NUP98: variants seen among roughly 807,000 people sequenced by gnomAD.
NUP98 encodes the protein nucleoporin 98 and 96 precursor.
A neutral mutation model predicts 191.9 loss-of-function variants in NUP98; 26 were observed. The ratio of observed to expected loss-of-function variants is 0.14; its 90% CI spans 0.10 to 0.19. The LOEUF (loss-of-function observed/expected upper bound fraction) is 0.19, where lower values mean the gene tolerates loss of function less well. NUP98 is among the 10% of genes least tolerant of loss of function. The probability of loss-of-function intolerance (pLI) is 1.00; values close to 1 mark genes in which losing one functional copy is unlikely to be tolerated. For missense variants in NUP98, 1,941 were observed against 2,178.8 expected (o/e 0.89, Z 2.17); for synonymous variants, 808 against 778.4 (o/e 1.04, Z -0.63).
intron 23 of NUP98, 93 bp downstream of exon 23, chr11:3,702,370 A>G: frequency 1.3e-6 from 1 of 782,070 alleles, no homozygotes; most frequent in Non-Finnish European, 2.1e-6. Flanking sequence ...CTCTCTCTCT[A>G]GAAAGATGAC....
intron 26 of NUP98, among the ~76,000 whole-genome samples, chr11:3,695,047 C>A (rs2078458638): frequency 6.6e-6 from 1 of 152,120 alleles, no homozygotes; most frequent in Admixed American, 6.5e-5. Context: ...CCTGTAGTCC[C>A]AGCTACTTGG....
chr11:3,726,391 A>C (rs1173617856), intron 14 of NUP98, among the ~76,000 whole-genome samples: 1 of 150,866 alleles, frequency 6.6e-6, no homozygotes, highest in Non-Finnish European at 1.5e-5. Context: ...GAGAACATCA[A>C]TAATGCCATA....
chr11:3,772,137 A>G (rs1387359797), intron 6 of NUP98, among the ~76,000 whole-genome samples: 1 of 152,184 alleles, frequency 6.6e-6, no homozygotes, highest in African/African-American at 2.4e-5. Flanking sequence ...ATAAAACTAC[A>G]AGCCAAAGAG....
intron 28 of NUP98, among the ~76,000 whole-genome samples, chr11:3,689,387 C>T (rs1345911300): frequency 6.6e-6 from 1 of 151,800 alleles, no homozygotes; most frequent in African/African-American, 2.4e-5. Flanking sequence ...ATTAGCTGGG[C>T]GTGGTGGTGG....
At chr11:3,796,054 A>C (rs1435775976) in intron 1 of NUP98, among the ~76,000 whole-genome samples, 1 of 152,144 alleles carries the variant, frequency 6.6e-6, no homozygotes, top group Non-Finnish European at 1.5e-5. Flanking sequence ...AAATACCCTA[A>C]CTTCCTCCAC....
intron 1 of NUP98, among the ~76,000 whole-genome samples, chr11:3,791,555 A>AAAAG (rs1188659380): frequency 2.3e-5 from 3 of 131,746 alleles, no homozygotes; most frequent in Admixed American, 1.5e-4. Context: ...AAAAAAAAAA[A>AAAAG]AAAGAAAGGC....
chr11:3,787,131 G>C (rs74934335), intron 1 of NUP98, among the ~76,000 whole-genome samples: 1 of 152,160 alleles, frequency 6.6e-6, no homozygotes. Flanking sequence ...AAAGAGGGCT[G>C]GGAAACGAGG....
At chr11:3,700,461 G>T in intron 24 of NUP98, 149 bp downstream of exon 24, 1 of 539,444 alleles carries the variant, frequency 1.9e-6, no homozygotes. Context: ...TCTTGCTTGG[G>T]AATCTGCTTA....
At chr11:3,715,078 T>C (rs2079137267) in intron 18 of NUP98, among the ~76,000 whole-genome samples, 1 of 152,242 alleles carries the variant, frequency 6.6e-6, no homozygotes, top group Non-Finnish European at 1.5e-5. Context: ...TCTTCCACAG[T>C]GGCTGCACTG....
intron 10 of NUP98, among the ~76,000 whole-genome samples, chr11:3,757,150 T>TAC (rs2080994069): frequency 1.3e-5 from 2 of 149,442 alleles, no homozygotes; most frequent in African/African-American, 4.9e-5. Context: ...TATATATATA[T>TAC]ATTTTATCAA....
chr11:3,726,439 C>T (rs555808021), intron 14 of NUP98, among the ~76,000 whole-genome samples: 1 of 149,972 alleles, frequency 6.7e-6, no homozygotes, highest in Non-Finnish European at 1.5e-5. Context: ...ACTGGGAGAT[C>T]CCTGGTCAAA....
chr11:3,760,198 A>G, intron 10 of NUP98: 1 of 294,356 alleles, frequency 3.4e-6, no homozygotes, highest in Non-Finnish European at 6.3e-6. Context: ...TCTGTATGCT[A>G]CCACAGGTTT....
intron 10 of NUP98, among the ~76,000 whole-genome samples, chr11:3,759,035 C>G (rs552346246): frequency 6.6e-6 from 1 of 152,200 alleles, no homozygotes; most frequent in East Asian, 1.9e-4. Flanking sequence ...ATTAATCTTC[C>G]AATAGATGTT....
At chr11:3,694,936 T>C (rs1048329575) in intron 26 of NUP98, among the ~76,000 whole-genome samples, 10 of 152,136 alleles carry the variant, frequency 6.6e-5, no homozygotes, top group Non-Finnish European at 1.3e-4. Flanking sequence ...ATCACAGAAC[T>C]CCTATGTATA....
chr11:3,746,650 C>T (rs1168847274), intron 11 of NUP98, among the ~76,000 whole-genome samples: 1 of 151,702 alleles, frequency 6.6e-6, no homozygotes, highest in South Asian at 2.1e-4. Context: ...CGGTGGCTCA[C>T]GCCTGTAATC....
intron 10 of NUP98, among the ~76,000 whole-genome samples, chr11:3,757,113 ATATATC>A (rs552597044): frequency 2.9e-4 from 38 of 132,678 alleles, no homozygotes; most frequent in South Asian, 7.0e-4. Flanking sequence ...ATATATATCT[ATATATC>A]TATATCTATA....
At chr11:3,718,102 T>C (rs1029574798) in intron 18 of NUP98, among the ~76,000 whole-genome samples, 4 of 152,240 alleles carry the variant, frequency 2.6e-5, no homozygotes, top group Non-Finnish European at 5.9e-5. Flanking sequence ...TGTGAAAGTA[T>C]TCCCTTCTCT....
At chr11:3,783,561 TG>T (rs2082046217) in intron 1 of NUP98, among the ~76,000 whole-genome samples, 1 of 152,066 alleles carries the variant, frequency 6.6e-6, no homozygotes, top group African/African-American at 2.4e-5. Context: ...TAGCCAGGCG[TG>T]GTGGTGCATG....
chr11:3,764,084 C>T (rs993153788), intron 8 of NUP98, among the ~76,000 whole-genome samples: 19 of 152,274 alleles, frequency 1.2e-4, no homozygotes, highest in Middle Eastern at 3.4e-3. Flanking sequence ...TAAATTCTTA[C>T]ACCCCCCAAA....
Sources: allele counts gnomAD v4.1 joint callset (sites outside exome capture counted in the v4.1 genomes callset), GRCh38; gene constraint gnomAD v4.1.1; transcripts MANE v1.5; gene names NCBI Gene and HGNC (gene_info 2026-07-23, HGNC 2026-07-21).